The following ABLIM2 variants were observed in gnomAD, a reference collection of about 807,000 sequenced individuals.
ABLIM2 encodes actin-binding LIM protein 2.
Under a neutral mutation model 97.7 loss-of-function variants are expected in ABLIM2, and 53 were observed. That is an observed-to-expected ratio of 0.54 (90% CI 0.44 to 0.68). The LOEUF is 0.68. Among genes scored for constraint, ABLIM2 ranks in the 30% least tolerant of loss-of-function variants. ABLIM2 has a pLI of 0.00. For missense variants in ABLIM2, 835 were observed against 867.2 expected (o/e 0.96, Z 0.47); for synonymous variants, 361 against 345.8 (o/e 1.04, Z -0.49).
rs1758679284 is a variant in ABLIM2 at position 8,003,502 on chromosome 4, C to G, written c.1618+4557G>C. On this transcript the variant is annotated intron_variant, in intron 16 of 20. Coordinates refer to ENST00000447017, the MANE Select transcript of ABLIM2 (RefSeq NM_001130083.2). The surrounding 1 kb of genome is among the most constrained non-coding windows in gnomAD (Gnocchi z 4.2). Reference sequence around the variant, plus strand: ...GTCAGAAGTTGGGGACTGCCTGAATCTGTTGACTGGCAGCTCCCACCCACT... The same window carrying G: ...GTCAGAAGTTGGGGACTGCCTGAATGTGTTGACTGGCAGCTCCCACCCACT... Among the ~76,000 whole-genome samples, 2 of 151,590 alleles carry G rather than the reference C, an allele frequency of 1.3e-5. No homozygotes were observed. The highest frequency in any genetic ancestry group is 4.2e-4 in the South Asian group (2 of 4,808).
rs1169449012 is a variant in ABLIM2 at position 8,149,318 on chromosome 4, G to A, written c.10+9362C>T. 6.6e-6 allele frequency among the ~76,000 whole-genome samples: 1 copy of A among 152,118 alleles called. No individual in the cohort carries two copies. Among genetic ancestry groups the A allele is most frequent in the African/African-American group, 2.4e-5 (1 of 41,430 alleles). Reference sequence around the variant, plus strand: ...ATGAACAGTCATTTTGCCGCATGAGGTCACATAGTCACAGGGCCTGGGATT... The same window carrying A: ...ATGAACAGTCATTTTGCCGCATGAGATCACATAGTCACAGGGCCTGGGATT... On this transcript the variant is annotated intron_variant, in intron 1 of 20. Transcript: ENST00000447017. This position sits in a 1 kb window ranked among gnomAD's most constrained non-coding sequence, Gnocchi z 6.4.
intron 1 of ABLIM2, among the ~76,000 whole-genome samples, chr4:8,152,295 C>T (rs747345463): frequency 7.9e-5 from 12 of 152,230 alleles, no homozygotes; most frequent in Admixed American, 7.8e-4. Flanking sequence ...GTCGGGCACA[C>T]TGGGGTTCAA....
At chr4:8,017,009 G>A (rs528880830) in intron 14 of ABLIM2, among the ~76,000 whole-genome samples, 119 of 152,194 alleles carry the variant, frequency 7.8e-4, no homozygotes, top group African/African-American at 2.4e-3. Context: ...ACTTCTCTCC[G>A]GTTTTTTAGG....
chr4:8,029,913 T>G (rs1779801115), intron 10 of ABLIM2, 137 bp from the exon 11 acceptor site: 3 of 1,228,666 alleles, frequency 2.4e-6, no homozygotes, highest in Non-Finnish European at 3.3e-6. Flanking sequence ...TGTGGGAATC[T>G]CCTGCACCTG....
rs771169647 is a variant in ABLIM2 at position 8,021,648 on chromosome 4, G to A, written c.1268-1345C>T. 2.0e-5 allele frequency among the ~76,000 whole-genome samples: 3 copies of A among 152,238 alleles called. No homozygotes were observed. Among genetic ancestry groups the A allele is most frequent in the Admixed American group, 6.5e-5 (1 of 15,290 alleles). ...TGGCCAGGGACCCCACAGTGGACTC[G>A]TGAGGAGGGCTCGACAGACACTGGC... On this transcript the variant is annotated intron_variant, in intron 12 of 20. Transcript: ENST00000447017. The surrounding 1 kb of genome is among the most constrained non-coding windows in gnomAD (Gnocchi z 5.5).
intron 20 of ABLIM2, among the ~76,000 whole-genome samples, chr4:7,969,956 G>A (rs1023162642): frequency 3.3e-5 from 5 of 152,152 alleles, no homozygotes; most frequent in South Asian, 2.1e-4. Context: ...ATTTCAGACC[G>A]CGTCTCTTAA....
At chr4:8,129,387 T>C (rs1193356309) in intron 1 of ABLIM2, among the ~76,000 whole-genome samples, 1 of 152,212 alleles carries the variant, frequency 6.6e-6, no homozygotes, top group African/African-American at 2.4e-5. Flanking sequence ...GCGCGGCCCC[T>C]GCGCGCCCGA....
chr4:8,111,854 G>A (rs113176492), intron 1 of ABLIM2, among the ~76,000 whole-genome samples: 3,251 of 149,230 alleles, frequency 0.022, 57 homozygotes, highest in South Asian at 0.036. Flanking sequence ...TGAAACCCGG[G>A]AGGCAGAGGT....
chr4:8,024,615 A>AGCCC (rs1416969121), intron 12 of ABLIM2, among the ~76,000 whole-genome samples: 6 of 151,974 alleles, frequency 3.9e-5, no homozygotes, highest in Non-Finnish European at 8.8e-5. Flanking sequence ...GACACACTGG[A>AGCCC]GCCCATGGCT....
In ABLIM2 at chr4:8,071,685, C is replaced by G. The variant is rs755583609; in HGVS notation, c.675+5943G>C. On this transcript the variant is annotated intron_variant, in intron 6 of 20. Coordinates refer to ENST00000447017, the MANE Select transcript of ABLIM2 (RefSeq NM_001130083.2). The surrounding 1 kb of genome is among the most constrained non-coding windows in gnomAD (Gnocchi z 6.2). Reference sequence around the variant, plus strand: ...GAGGTCTCACACCTGACTGCTCTGTCCCCAAAAACCCACCCACCCGCAGCC... The same window carrying G: ...GAGGTCTCACACCTGACTGCTCTGTGCCCAAAAACCCACCCACCCGCAGCC... 2.1e-6 allele frequency: 2 copies of G among 965,192 alleles called. No individual in the cohort carries two copies. The highest frequency in any genetic ancestry group is 2.5e-6 in the Non-Finnish European group (2 of 811,220). 59.8% of individuals were successfully genotyped at this position (965,192 alleles called of 1,614,324 possible).
rs1336756009 is a variant in ABLIM2 at position 8,083,196 on chromosome 4, G to C, written c.455-2394C>G. Among the ~76,000 whole-genome samples, 1 of 152,218 alleles carries C rather than the reference G, an allele frequency of 6.6e-6. No homozygotes were observed. The highest frequency in any genetic ancestry group is 6.5e-5 in the Admixed American group (1 of 15,288). On this transcript the variant is annotated intron_variant, in intron 4 of 20. Coordinates refer to ENST00000447017, the MANE Select transcript of ABLIM2 (RefSeq NM_001130083.2). This position sits in a 1 kb window ranked among gnomAD's most constrained non-coding sequence, Gnocchi z 4.6. ...AAGGGAGCACAGCACATGGGGCTGT[G>C]TGTCGACCAGAGGACAGACAGCAGA...
In ABLIM2 at chr4:7,970,414, T is replaced by C. The variant is rs1175843927; in HGVS notation, c.1825-3311A>G. ...ATCGTGTACTTAAAGGGAGGAGGAC[T>C]GGTGAGTGAGTGGTCTCTTGGGTTT... On this transcript the variant is annotated intron_variant, in intron 20 of 20. Coordinates refer to ENST00000447017, the MANE Select transcript of ABLIM2 (RefSeq NM_001130083.2). This position sits in a 1 kb window ranked among gnomAD's most constrained non-coding sequence, Gnocchi z 5.3. 6.6e-6 allele frequency among the ~76,000 whole-genome samples: 1 copy of C among 151,914 alleles called. No individual in the cohort carries two copies. The highest frequency in any genetic ancestry group is 1.5e-5 in the Non-Finnish European group (1 of 67,952).
Position 8,069,640 on chromosome 4 carries a change from G to A in ABLIM2, c.675+7988C>T, listed in dbSNP as rs1219109756. Among the ~76,000 whole-genome samples, 1 of 152,044 alleles carries A rather than the reference G, an allele frequency of 6.6e-6. No homozygotes were observed. Among genetic ancestry groups the A allele is most frequent in the Non-Finnish European group, 1.5e-5 (1 of 67,992 alleles). ...CCGTGTGTCTGTGTGTGCATCGTGTGTGCTGTCTTGGTTGTCTGTGTGCAT... is the reference window on the plus strand; with the variant it reads ...CCGTGTGTCTGTGTGTGCATCGTGTATGCTGTCTTGGTTGTCTGTGTGCAT... On this transcript the variant is annotated intron_variant, in intron 6 of 20. Transcript: ENST00000447017. This position sits in a 1 kb window ranked among gnomAD's most constrained non-coding sequence, Gnocchi z 4.2.
intron 20 of ABLIM2, among the ~76,000 whole-genome samples, chr4:7,969,730 G>GACACACACACACACACAC (rs56236019): frequency 0.038 from 5,352 of 139,572 alleles, 222 homozygotes; most frequent in East Asian, 0.049. Context: ...CTCTCTCTCT[G>GACACACACACACACACAC]ACACACACAC....
rs185923072 is a variant in ABLIM2, at chr4:8,124,044, G to A, written c.11-17407C>T. Among the ~76,000 whole-genome samples the A allele has an allele frequency of 2.6e-5, 4 of 152,212 alleles. No individual in the cohort carries two copies. The highest frequency in any genetic ancestry group is 1.3e-4 in the Admixed American group (2 of 15,288). ...AGACGACCACTCTTAACAGCTCAGC[G>A]GCTGCTCTACCATGTGCTTCTGTAG... On this transcript the variant is annotated intron_variant, in intron 1 of 20. Transcript: ENST00000447017. This position sits in a 1 kb window ranked among gnomAD's most constrained non-coding sequence, Gnocchi z 6.1.
At chr4:8,050,840 A>C (rs1795546559) in intron 8 of ABLIM2, among the ~76,000 whole-genome samples, 1 of 152,246 alleles carries the variant, frequency 6.6e-6, no homozygotes, top group East Asian at 1.9e-4. Context: ...AGCCGCTCTC[A>C]GCCTGCGCCG....
At chr4:7,985,889 G>T (rs1158940402) in intron 17 of ABLIM2, among the ~76,000 whole-genome samples, 1 of 152,218 alleles carries the variant, frequency 6.6e-6, no homozygotes, top group Non-Finnish European at 1.5e-5. Context: ...TCTATGGAGG[G>T]TTCCCCAACC....
At chr4:8,144,529 C>T (rs1327657367) in intron 1 of ABLIM2, among the ~76,000 whole-genome samples, 2 of 144,452 alleles carry the variant, frequency 1.4e-5, no homozygotes, top group African/African-American at 2.5e-5. Context: ...AGCTGACCCA[C>T]ATTTAATGCA....
In ABLIM2 at chr4:8,068,147, C is replaced by T. The variant is rs1050436691; in HGVS notation, c.676-7093G>A. 1.6e-4 allele frequency among the ~76,000 whole-genome samples: 24 copies of T among 152,168 alleles called. No individual in the cohort carries two copies. Among genetic ancestry groups the T allele is most frequent in the African/African-American group, 2.7e-4 (11 of 41,430 alleles). On this transcript the variant is annotated intron_variant, in intron 6 of 20. Transcript: ENST00000447017. The surrounding 1 kb of genome is among the most constrained non-coding windows in gnomAD (Gnocchi z 4.5). The stretch of plus-strand genomic sequence containing the variant: ...GCCACCCGAGGAGTGCCTGAAACCT[C>T]GGCCGCTGGTTGTTCCAGTGGGCGC...
Sources: allele counts gnomAD v4.1 joint callset (sites outside exome capture counted in the v4.1 genomes callset), GRCh38; gene constraint gnomAD v4.1.1; non-coding constraint Gnocchi (gnomAD v3.1); transcripts MANE v1.5; gene names NCBI Gene and HGNC (gene_info 2026-07-23, HGNC 2026-07-21).